Variants in DGKB observed in about 807,000 individuals in gnomAD.
The protein encoded by DGKB is diacylglycerol kinase beta.
A neutral mutation model predicts 114.3 loss-of-function variants in DGKB; 67 were observed. That is an observed-to-expected ratio of 0.59 (90% CI 0.48 to 0.72). The LOEUF is 0.72. DGKB is among the 30% of genes least tolerant of loss of function. The probability of loss-of-function intolerance (pLI) is 0.00; values close to 1 mark genes in which losing one functional copy is unlikely to be tolerated. For missense variants in DGKB, 907 were observed against 975.2 expected, an observed-to-expected ratio of 0.93 and a Z score of 0.93; for synonymous variants, 398 against 323.1, an observed-to-expected ratio of 1.23 and a Z score of -2.49.
chr7:14,952,371 G>T (rs1786252038), intron 1 of DGKB, among the ~76,000 whole-genome samples: 1 of 151,934 alleles, frequency 6.6e-6, no homozygotes, highest in African/African-American at 2.4e-5. Context: ...GCACGTACAT[G>T]GATCGAATGA....
chr7:14,802,522 AT>A (rs34354122), intron 2 of DGKB, among the ~76,000 whole-genome samples: 1 of 152,150 alleles, frequency 6.6e-6, no homozygotes, highest in African/African-American at 2.4e-5. Flanking sequence ...GATTTTAAAA[AT>A]TTTGTTAACA....
At chr7:14,647,217 T>C (rs1420220999) in intron 13 of DGKB, among the ~76,000 whole-genome samples, 2 of 151,988 alleles carry the variant, frequency 1.3e-5, no homozygotes, top group African/African-American at 2.4e-5. Flanking sequence ...AGAGGAAACA[T>C]ATAAATTCCT....
intron 17 of DGKB, among the ~76,000 whole-genome samples, chr7:14,585,620 C>T (rs1800631337): frequency 6.6e-6 from 1 of 152,174 alleles, no homozygotes; most frequent in Admixed American, 6.6e-5. Context: ...CATTCTTGTA[C>T]AGGCATACCT....
chr7:14,734,727 AT>A lies in DGKB; in HGVS notation c.322+1313del, dbSNP rs554068981. 8.6e-3 allele frequency among the ~76,000 whole-genome samples: 1,304 copies of A among 152,208 alleles called. 14 individuals carry two copies. Among genetic ancestry groups the A allele is most frequent in the Non-Finnish European group, 8.2e-3 (558 of 68,014 alleles). On this transcript the variant is annotated intron_variant, in intron 5 of 25. Transcript: ENST00000402815. ...TTTTTTGTTAACAGGTAGTGGTTTG[AT>A]TCTTGTTATTTTTGGAATGTCCCAT... is the stretch of plus-strand genomic sequence containing the variant.
At chr7:14,741,592 C>T (rs1481624700) in intron 4 of DGKB, among the ~76,000 whole-genome samples, 1 of 152,194 alleles carries the variant, frequency 6.6e-6, no homozygotes, top group Non-Finnish European at 1.5e-5. Context: ...ACCTGTGTGA[C>T]TTCTACCATT....
intron 20 of DGKB, among the ~76,000 whole-genome samples, chr7:14,569,068 A>T: frequency 6.6e-6 from 1 of 152,258 alleles, no homozygotes; most frequent in Middle Eastern, 3.4e-3. Flanking sequence ...ATTTTATTTC[A>T]TTATATTCTA....
At chr7:14,560,275 A>C (rs1796460875) in intron 20 of DGKB, among the ~76,000 whole-genome samples, 1 of 152,132 alleles carries the variant, frequency 6.6e-6, no homozygotes, top group African/African-American at 2.4e-5. Context: ...TGTTGAGTAT[A>C]GGTACAATGT....
intron 4 of DGKB, among the ~76,000 whole-genome samples, chr7:14,748,234 A>G (rs1833637974): frequency 6.6e-6 from 1 of 152,216 alleles, no homozygotes. Context: ...GAGGGAGCTT[A>G]TCTTCTAATG....
intron 2 of DGKB, among the ~76,000 whole-genome samples, chr7:14,782,540 A>C (rs1839278466): frequency 6.6e-6 from 1 of 152,186 alleles, no homozygotes. Context: ...AAGAAACCAA[A>C]AGAAATATTA....
At chr7:14,564,528 G>A (rs1004000219) in intron 20 of DGKB, among the ~76,000 whole-genome samples, 1 of 152,086 alleles carries the variant, frequency 6.6e-6, no homozygotes, top group Non-Finnish European at 1.5e-5. Context: ...TGTTTGTCAG[G>A]GGAAGAAGAT....
chr7:14,727,058 G>A (rs1433844791), intron 5 of DGKB, among the ~76,000 whole-genome samples: 1 of 152,052 alleles, frequency 6.6e-6, no homozygotes, highest in East Asian at 1.9e-4. Flanking sequence ...ATTTCCTTTT[G>A]CTAGAATATT....
chr7:14,314,007 C>G (rs532775540), intron 23 of DGKB, among the ~76,000 whole-genome samples: 1,891 of 152,284 alleles, frequency 0.012, 40 homozygotes, highest in African/African-American at 0.043. Flanking sequence ...GCGAGGCACC[C>G]TCCAGCAGGG....
chr7:14,540,894 T>C (rs902644704), intron 20 of DGKB, among the ~76,000 whole-genome samples: 4 of 152,170 alleles, frequency 2.6e-5, no homozygotes, highest in Non-Finnish European at 5.9e-5. Flanking sequence ...TTAGCCTTGA[T>C]AGAACCTTTT....
At chr7:14,963,176 T>C (rs1429291075) in intron 1 of DGKB, among the ~76,000 whole-genome samples, 2 of 152,130 alleles carry the variant, frequency 1.3e-5, no homozygotes, top group Non-Finnish European at 2.9e-5. Context: ...CGTTTTGTTA[T>C]TTTGCTTGGT....
intron 4 of DGKB, among the ~76,000 whole-genome samples, chr7:14,740,982 T>G (rs1388301639): frequency 6.6e-6 from 1 of 152,138 alleles, no homozygotes; most frequent in African/African-American, 2.4e-5. Context: ...TGCTCCTCTT[T>G]CTAGATGAGT....
At chr7:14,697,739 AGG>A (rs1248004896) in intron 8 of DGKB, among the ~76,000 whole-genome samples, 184 of 128,302 alleles carry the variant, frequency 1.4e-3, no homozygotes, top group African/African-American at 5.3e-3. Context: ...GAAAGAAAGA[AGG>A]AGGAAAGAAA....
intron 23 of DGKB, among the ~76,000 whole-genome samples, chr7:14,324,174 C>G (rs1808325860): frequency 6.6e-6 from 1 of 152,082 alleles, no homozygotes; most frequent in Non-Finnish European, 1.5e-5. Context: ...TTTTGGCGGG[C>G]ACAGTGGCTC....
chr7:14,567,834 T>A (rs1328800984), intron 20 of DGKB, among the ~76,000 whole-genome samples: 1 of 151,868 alleles, frequency 6.6e-6, no homozygotes, highest in South Asian at 2.1e-4. Context: ...CTTGAACTCC[T>A]GACTTCAGGT....
At chr7:14,710,339 AGTG>A (rs1194758842) in intron 6 of DGKB, among the ~76,000 whole-genome samples, 4 of 152,164 alleles carry the variant, frequency 2.6e-5, no homozygotes, top group Non-Finnish European at 5.9e-5. Flanking sequence ...CAGAAATACA[AGTG>A]ATTTTTATTT....
Sources: gnomAD v4.1 joint callset for allele counts (sites outside exome capture counted in the v4.1 genomes callset) on GRCh38, gnomAD v4.1.1 for gene constraint, MANE v1.5 for transcripts, NCBI Gene and HGNC (gene_info 2026-07-23, HGNC 2026-07-21) for gene names.